SREBF2: variants seen among roughly 807,000 people sequenced by gnomAD.
SREBF2 encodes sterol regulatory element-binding protein 2.
Under a neutral mutation model 113.1 loss-of-function variants are expected in SREBF2, and 55 were observed. The observed-to-expected ratio is 0.49, with a 90% CI of 0.39 to 0.61. The LOEUF (loss-of-function observed/expected upper bound fraction) is 0.61. Among genes scored for constraint, SREBF2 ranks in the 20% least tolerant of loss-of-function variants. The pLI, the probability that SREBF2 is intolerant of heterozygous loss-of-function variation, is 0.00. For synonymous variants in SREBF2, 593 were observed against 605.7 expected (o/e 0.98, Z 0.31); for missense variants, 1,349 against 1,487.4 (o/e 0.91, Z 1.53).
chr22:41,845,895 G>A (rs1368330696), intron 1 of SREBF2, among the ~76,000 whole-genome samples: 1 of 152,212 alleles, frequency 6.6e-6, no homozygotes, highest in Non-Finnish European at 1.5e-5. Flanking sequence ...AATGTGGAAG[G>A]TCTGGGATGT....
chr22:41,835,363 T>TATTGC (rs1395365933), intron 1 of SREBF2, among the ~76,000 whole-genome samples: 1 of 146,588 alleles, frequency 6.8e-6, no homozygotes, highest in African/African-American at 2.5e-5. Flanking sequence ...CAGGCTGGAG[T>TATTGC]GCAATGGCGC....
intron 12 of SREBF2, among the ~76,000 whole-genome samples, 163 bp from the exon 13 acceptor site, chr22:41,894,657 C>T (rs1273505441): frequency 6.6e-6 from 1 of 152,194 alleles, no homozygotes; most frequent in South Asian, 2.1e-4. Context: ...AACACTCTCC[C>T]CCATCCTCCA....
In SREBF2 at chr22:41,905,687, C is replaced by T. The variant is rs751748331; in HGVS notation, c.*27C>T. ...CACCAGGCTCAGCCCACCCCTCCAC[C>T]TCTCTCTCGATTTCTCTCTCTCCCC... On this transcript the variant is annotated 3_prime_UTR_variant, in exon 19 of 19. Transcript: ENST00000361204. The T allele has an allele frequency of 4.2e-5, 65 of 1,547,922 alleles. No homozygotes were observed. Among genetic ancestry groups the T allele is most frequent in the Non-Finnish European group, 5.4e-5 (62 of 1,143,370 alleles).
Position 41,875,744 on chromosome 22 carries a change from C to T in SREBF2, c.1386+20C>T. On this transcript the variant is annotated intron_variant, in intron 7 of 18. Coordinates refer to ENST00000361204, the MANE Select transcript of SREBF2 (RefSeq NM_004599.4). The stretch of plus-strand genomic sequence containing the variant: ...GCAAAGGTACAGACTTTTGAAATCT[C>T]CTGATCCCTGGAATCTTTCCCATTT... The T allele has an allele frequency of 1.2e-6, 2 of 1,613,540 alleles. No homozygotes were observed. Among genetic ancestry groups the T allele is most frequent in the Middle Eastern group, 1.7e-4 (1 of 6,022 alleles).
In SREBF2 at chr22:41,867,110, C is replaced by A; in HGVS notation, c.368C>A (p.Thr123Asn). Residue 123 changes from threonine to asparagine, a missense_variant, in exon 2 of 19, where the codon ACC (threonine) becomes AAC (asparagine). By Grantham distance (65) the Thr-to-Asn change is moderately conservative (BLOSUM62 0). Around this residue, in one of 2 missense-constraint regions of SREBF2, gnomAD observed 699 missense variants for 843.3 expected, o/e 0.83. Coordinates refer to ENST00000361204, the MANE Select transcript of SREBF2 (RefSeq NM_004599.4). Reference sequence around the variant, plus strand: ...AAGGTTTCTCCCACCTCAGTTCCCACCACACCCAGGGCAACTCCTATTCTT... The same window carrying A: ...AAGGTTTCTCCCACCTCAGTTCCCAACACACCCAGGGCAACTCCTATTCTT... ...QVKVSPTSVP[T>N]TPRATPILQP... 1 of 1,614,236 alleles carries A rather than the reference C, an allele frequency of 6.2e-7. No homozygotes were observed.
chr22:41,906,306 C>G lies in SREBF2; in HGVS notation c.*646C>G. ...TGGTGGGAGGCAGGGGGCAGGCCTG[C>G]GGATGCATGAAATAATGTTGGCATT... On this transcript the variant is annotated 3_prime_UTR_variant, in exon 19 of 19. Transcript: ENST00000361204. 1 of 215,798 alleles carries G rather than the reference C, an allele frequency of 4.6e-6. No individual in the cohort carries two copies. The highest frequency in any genetic ancestry group is 9.4e-6 in the Non-Finnish European group (1 of 106,442). The allele number at this position is 215,798 out of a possible 1,614,324, so 13.4% of individuals were successfully genotyped here.
At chr22:41,865,166 C>A (rs2077063819) in intron 1 of SREBF2, among the ~76,000 whole-genome samples, 1 of 146,444 alleles carries the variant, frequency 6.8e-6, no homozygotes, top group South Asian at 2.2e-4. Flanking sequence ...CACACACACA[C>A]ACAGCATCAG....
At chr22:41,892,151 A>T (rs944077088) in intron 11 of SREBF2, among the ~76,000 whole-genome samples, 2 of 152,116 alleles carry the variant, frequency 1.3e-5, no homozygotes, top group Admixed American at 1.3e-4. Flanking sequence ...GGAGTCTCTC[A>T]ACCACCTGCA....
chr22:41,881,076 A>C, intron 10 of SREBF2, 84 bp downstream of exon 10: 1 of 1,534,610 alleles, frequency 6.5e-7, no homozygotes, highest in Non-Finnish European at 8.8e-7. Flanking sequence ...CCAGTTCTGC[A>C]CCCTAGCTGA....
intron 4 of SREBF2, among the ~76,000 whole-genome samples, chr22:41,872,815 A>AG (rs1261778864): frequency 2.0e-5 from 3 of 150,958 alleles, no homozygotes; most frequent in Non-Finnish European, 4.4e-5. Flanking sequence ...CACTTGAACC[A>AG]GGGGGGTGCA....
intron 18 of SREBF2, 80 bp downstream of exon 18, chr22:41,905,054 C>T: frequency 7.8e-7 from 1 of 1,285,560 alleles, no homozygotes; most frequent in Non-Finnish European, 1.1e-6. Flanking sequence ...GCCAGCCCAG[C>T]TCCCACATCT....
chr22:41,895,330 G>A lies in SREBF2; in HGVS notation c.2495+393G>A, dbSNP rs151183267. On this transcript the variant is annotated intron_variant, in intron 13 of 18. Transcript: ENST00000361204. ...AATTTTTTGTATTTTTAGTAGAGACGAGGTTTCACCATGTTAGCCAGGATG... is the reference window on the plus strand; with the variant it reads ...AATTTTTTGTATTTTTAGTAGAGACAAGGTTTCACCATGTTAGCCAGGATG... 4.6e-3 allele frequency among the ~76,000 whole-genome samples: 698 copies of A among 150,820 alleles called. 2 individuals carry two copies. The highest frequency in any genetic ancestry group is 0.016 in the African/African-American group (669 of 41,012).
At chr22:41,880,469 C>T (rs191829063) in intron 9 of SREBF2, among the ~76,000 whole-genome samples, 5 of 151,728 alleles carry the variant, frequency 3.3e-5, no homozygotes, top group Non-Finnish European at 5.9e-5. Flanking sequence ...CAAACGCACG[C>T]AGTACAATCT....
chr22:41,847,698 T>C (rs1267516288), intron 1 of SREBF2, among the ~76,000 whole-genome samples: 2 of 152,218 alleles, frequency 1.3e-5, no homozygotes. Context: ...GTGCCTCATT[T>C]TCCTTACCTG....
intron 1 of SREBF2, among the ~76,000 whole-genome samples, chr22:41,845,931 G>A (rs780640691): frequency 6.6e-6 from 1 of 152,206 alleles, no homozygotes; most frequent in Non-Finnish European, 1.5e-5. Flanking sequence ...CCTAACTAGT[G>A]GAGGGGGCAG....
At chr22:41,891,587 T>G (rs2077363439) in intron 11 of SREBF2, among the ~76,000 whole-genome samples, 2 of 152,322 alleles carry the variant, frequency 1.3e-5, no homozygotes, top group African/African-American at 2.4e-5. Flanking sequence ...CATTCAAGTC[T>G]TCTGAAGCCG....
At chr22:41,851,822 T>C (rs1482574241) in intron 1 of SREBF2, among the ~76,000 whole-genome samples, 1 of 141,550 alleles carries the variant, frequency 7.1e-6, no homozygotes, top group East Asian at 2.3e-4. Flanking sequence ...AAAGACACTT[T>C]AAAAAAAAAA....
chr22:41,853,816 A>C (rs2076953208), intron 1 of SREBF2, among the ~76,000 whole-genome samples: 1 of 152,100 alleles, frequency 6.6e-6, no homozygotes, highest in African/African-American at 2.4e-5. Flanking sequence ...CAGGTGGATC[A>C]CAAGGTCAGG....
At chr22:41,899,922 GA>G (rs1183238794) in intron 15 of SREBF2, 57 of 1,133,974 alleles carry the variant, frequency 5.0e-5, no homozygotes, top group Non-Finnish European at 6.0e-5. Context: ...TCTACAGAAA[GA>G]AGCTAACTAA....
Sources: gnomAD v4.1 joint callset for allele counts (sites outside exome capture counted in the v4.1 genomes callset) on GRCh38, gnomAD v4.1.1 for gene constraint, gnomAD v4.1.1 regional missense constraint, MANE v1.5 for transcripts, NCBI Gene and HGNC (gene_info 2026-07-23, HGNC 2026-07-21) for gene names.